Variants in LRFN4 observed in about 807,000 individuals in gnomAD.
LRFN4 encodes leucine rich repeat and fibronectin type III domain containing 4.
LRFN4 carries 10 observed loss-of-function variants against 29.0 expected under a neutral mutation model. The observed-to-expected ratio is 0.35, with a 90% CI of 0.21 to 0.59. The LOEUF (loss-of-function observed/expected upper bound fraction) is 0.59. Ranked by LOEUF, LRFN4 falls within the 20% of genes least tolerant of loss-of-function variation. The pLI is 0.82. For synonymous variants in LRFN4, 493 were observed against 437.0 expected (o/e 1.13, Z -1.60); for missense variants, 850 against 907.9 (o/e 0.94, Z 0.82).
Position 66,860,062 on chromosome 11 carries a change from G to A in LRFN4, c.1775G>A (p.Gly592Glu). Reference protein sequence around the residue: ...RSCSLDLGDAGCYGYARRLGG... With the variant: ...RSCSLDLGDAECYGYARRLGG... ...TGCTCTCTGGACCTGGGAGATGCCG[G>A]GTGCTACGGTTATGCCAGGCGCCTG... is the stretch of plus-strand genomic sequence containing the variant. Residue 592 changes from glycine (G) to glutamate (E), a missense_variant, in exon 2 of 2, where the codon GGG becomes GAG. Physicochemically the swap from Gly to Glu is moderately conservative, Grantham distance 98. This residue lies in a region of LRFN4 where 744 missense variants were observed against 753.8 expected (regional missense o/e 0.99). Coordinates refer to ENST00000309602, the MANE Select transcript of LRFN4 (RefSeq NM_024036.5). 1 of 1,565,952 alleles carries A rather than the reference G, an allele frequency of 6.4e-7. No homozygotes were observed.
Position 66,858,826 on chromosome 11 carries a change from C to T in LRFN4, c.1082C>T (p.Thr361Ile). Reference sequence around the variant, plus strand: ...GCCACCAACCCTGCTGGTGAGGCCACAGCCCGAGTAGAACTGCGGGTGCTG... The same window carrying T: ...GCCACCAACCCTGCTGGTGAGGCCATAGCCCGAGTAGAACTGCGGGTGCTG... ...CIATNPAGEATARVELRVLAL... is the reference protein window; with the variant it reads ...CIATNPAGEAIARVELRVLAL... Residue 361 changes from threonine (T) to isoleucine (I), a missense_variant, in exon 1 of 2, where the codon ACA becomes ATA. By Grantham distance (89) the Thr-to-Ile change is moderately conservative (BLOSUM62 -1). Around this residue, in one of 2 missense-constraint regions of LRFN4, gnomAD observed 744 missense variants for 753.8 expected, o/e 0.99. Transcript: ENST00000309602. The surrounding 1 kb of genome is among the most constrained non-coding windows in gnomAD (Gnocchi z 5.9). 6.4e-7 allele frequency: 1 copy of T among 1,550,818 alleles called. No individual in the cohort carries two copies.
In LRFN4 at chr11:66,858,904, C is replaced by A; in HGVS notation, c.1160C>A (p.Ser387Ter). 6.4e-7 allele frequency: 1 copy of A among 1,562,482 alleles called. No homozygotes were observed. Among genetic ancestry groups the A allele is most frequent in the Non-Finnish European group, 8.7e-7 (1 of 1,152,934 alleles). The change falls in exon 1 of 2, where the codon TCG (serine) becomes TAG (stop). Residue 387 changes from serine to a stop codon, truncating the protein, a stop_gained. Transcript: ENST00000309602. LOFTEE classifies it high-confidence loss of function. This position sits in a 1 kb window ranked among gnomAD's most constrained non-coding sequence, Gnocchi z 5.9. ...SSAEGGRPGP[S>*]DIAASARTAA... ...GCCGAGGGGGGCCGCCCCGGGCCCTCGGACATCGCCGCCTCCGCTCGCACT... is the reference window on the plus strand; with the variant it reads ...GCCGAGGGGGGCCGCCCCGGGCCCTAGGACATCGCCGCCTCCGCTCGCACT...
Position 66,859,810 on chromosome 11 carries a change from C to G in LRFN4, c.1523C>G (p.Ala508Gly), listed in dbSNP as rs147064009. The G allele has an allele frequency of 6.3e-7, 1 of 1,585,714 alleles. No individual in the cohort carries two copies. Among genetic ancestry groups the G allele is most frequent in the African/African-American group, 1.3e-5 (1 of 74,474 alleles). The part of the protein sequence containing the change: ...STLPASPLCH[A>G]LQAHVLGGTL... ...CTGCCGGCCTCGCCCCTGTGCCACG[C>G]CCTGCAGGCCCACGTGCTGGGCGGG... Residue 508 changes from alanine (A) to glycine (G), a missense_variant, in exon 2 of 2, where the codon GCC (alanine) becomes GGC (glycine). By Grantham distance (60) the Ala-to-Gly change is moderately conservative. Transcript: ENST00000309602.
chr11:66,859,056 C>CAGT lies in LRFN4; in HGVS notation c.1314_1316dup (p.Gln438_Tyr439insTer). On this transcript the variant is annotated stop_gained and inframe_insertion, in exon 1 of 2. Coordinates refer to ENST00000309602, the MANE Select transcript of LRFN4 (RefSeq NM_024036.5). LOFTEE classifies it high-confidence loss of function. Reference sequence around the variant, plus strand: ...CGACCCAGTGTGGATGTTCCAAATCCAGTACAACAGCAGCGAAGATGAGAC... The same window carrying CAGT: ...CGACCCAGTGTGGATGTTCCAAATCCAGTAGTACAACAGCAGCGAAGATGAGAC... 6.7e-7 allele frequency: 1 copy of CAGT among 1,500,074 alleles called. No homozygotes were observed. The highest frequency in any genetic ancestry group is 1.4e-5 in the African/African-American group (1 of 70,804). 92.9% of individuals were successfully genotyped at this position (1,500,074 alleles called of 1,614,324 possible).
rs1469520433 is a variant in LRFN4, at chr11:66,858,676, C to T, written c.932C>T (p.Thr311Ile). The T allele has an allele frequency of 2.8e-5, 43 of 1,546,178 alleles. No homozygotes were observed. The highest frequency in any genetic ancestry group is 3.7e-5 in the Non-Finnish European group (42 of 1,144,400). Residue 311 changes from threonine (T) to isoleucine (I), a missense_variant, in exon 1 of 2, where the codon ACC (threonine) becomes ATC (isoleucine). This residue lies in a region of LRFN4 where 744 missense variants were observed against 753.8 expected (regional missense o/e 0.99). Coordinates refer to ENST00000309602, the MANE Select transcript of LRFN4 (RefSeq NM_024036.5). This position sits in a 1 kb window ranked among gnomAD's most constrained non-coding sequence, Gnocchi z 5.9. ...RCRALGDPAP[T>I]MHWVGPDDRL... ...CGGGCCCTGGGTGACCCCGCGCCTA[C>T]CATGCACTGGGTCGGTCCTGACGAC...
rs189468338 is a variant in LRFN4 at position 66,859,688 on chromosome 11, C to T, written c.1401C>T (p.Gly467=). Residue 467 remains glycine, a synonymous_variant, in exon 2 of 2, where the codon GGC becomes GGT. Coordinates refer to ENST00000309602, the MANE Select transcript of LRFN4 (RefSeq NM_024036.5). ...HHFLLKHLVP[G]ADYDLCLLAL... ...TCCTGCTGAAGCACCTCGTCCCCGG[C>T]GCTGACTATGACCTCTGCCTGCTGG... is the stretch of plus-strand genomic sequence containing the variant. 142 of 1,612,806 alleles carry T rather than the reference C, an allele frequency of 8.8e-5. No homozygotes were observed. The highest frequency in any genetic ancestry group is 9.7e-5 in the Non-Finnish European group (114 of 1,179,892).
rs374693774 is a variant in LRFN4 at position 66,858,920 on chromosome 11, C to A, written c.1176C>A (p.Ser392=). Residue 392 remains serine (S), a synonymous_variant, in exon 1 of 2, where the codon TCC becomes TCA. Transcript: ENST00000309602. The surrounding 1 kb of genome is among the most constrained non-coding windows in gnomAD (Gnocchi z 5.9). ...CCGGGCCCTCGGACATCGCCGCCTC[C>A]GCTCGCACTGCTGCCGAGGGTGAGG... ...GRPGPSDIAA[S]ARTAAEGEGT... 3 of 1,570,454 alleles carry A rather than the reference C, an allele frequency of 1.9e-6. No individual in the cohort carries two copies. The Admixed American group carries it at 5.4e-5, about 28-fold the overall frequency.
Position 66,859,656 on chromosome 11 carries a change from C to T in LRFN4, c.1369C>T (p.His457Tyr), listed in dbSNP as rs1227058898. 1.2e-6 allele frequency: 2 copies of T among 1,613,068 alleles called. No homozygotes were observed. The highest frequency in any genetic ancestry group is 1.7e-6 in the Non-Finnish European group (2 of 1,179,922). ...CTGCAGGATTGTCCCAGCCTCCAGC[C>T]ACCACTTCCTGCTGAAGCACCTCGT... ...LIYRIVPASS[H>Y]HFLLKHLVPG... Residue 457 changes from histidine to tyrosine, a missense_variant, in exon 2 of 2, where the codon CAC (histidine) becomes TAC (tyrosine). Around this residue, in one of 2 missense-constraint regions of LRFN4, gnomAD observed 744 missense variants for 753.8 expected, o/e 0.99. Transcript: ENST00000309602.
Position 66,858,107 on chromosome 11 carries a change from T to G in LRFN4, c.363T>G (p.Asn121Lys). ...LGTGSLRGPV[N>K]LQHLILSGNQ... Reference sequence around the variant, plus strand: ...CCGGGAGCCTCCGGGGCCCCGTCAATCTGCAGCACCTCATCCTCAGCGGCA... The same window carrying G: ...CCGGGAGCCTCCGGGGCCCCGTCAAGCTGCAGCACCTCATCCTCAGCGGCA... Residue 121 changes from asparagine to lysine, a missense_variant, in exon 1 of 2, where the codon AAT becomes AAG. By Grantham distance (94) the Asn-to-Lys change is moderately conservative. Transcript: ENST00000309602. The surrounding 1 kb of genome is among the most constrained non-coding windows in gnomAD (Gnocchi z 5.9). 1.4e-5 allele frequency: 23 copies of G among 1,609,928 alleles called. No homozygotes were observed. The highest frequency in any genetic ancestry group is 2.0e-5 in the Non-Finnish European group (23 of 1,178,390).
At chr11:66,859,524 A>G in intron 1 of LRFN4, 113 bp from the exon 2 acceptor site, 2 of 1,540,552 alleles carry the variant, frequency 1.3e-6, no homozygotes, top group South Asian at 2.5e-5. Flanking sequence ...TGAACCCAAG[A>G]GCCCGAGTGG....
In LRFN4 at chr11:66,857,509, C is replaced by G; in HGVS notation, c.-236C>G. On this transcript the variant is annotated 5_prime_UTR_variant, in exon 1 of 2. Transcript: ENST00000309602. The surrounding 1 kb of genome is among the most constrained non-coding windows in gnomAD (Gnocchi z 7.1). ...TCCTGCCTCATGCCTCACCTTGTCC[C>G]CAGCGCCTGGACTCCCCCTTAACTG... is the stretch of plus-strand genomic sequence containing the variant. The G allele has an allele frequency of 2.0e-6, 1 of 506,836 alleles. No individual in the cohort carries two copies. Among genetic ancestry groups the G allele is most frequent in the Non-Finnish European group, 3.5e-6 (1 of 288,436 alleles). The allele number at this position is 506,836 out of a possible 1,614,324, so 31.4% of individuals were successfully genotyped here.
rs756938721 is a variant in LRFN4, at chr11:66,857,809, T to C, written c.65T>C (p.Val22Ala). Residue 22 changes from valine to alanine, a missense_variant, in exon 1 of 2, where the codon GTC becomes GCC. Val to Ala is a moderately conservative substitution (Grantham distance 64). Transcript: ENST00000309602. This position sits in a 1 kb window ranked among gnomAD's most constrained non-coding sequence, Gnocchi z 7.1. ...GCGGCCGCCTGCCCGCTGCCCTGCGTCTGCCAGAACCTGTCCGAGTCGCTC... is the reference window on the plus strand; with the variant it reads ...GCGGCCGCCTGCCCGCTGCCCTGCGCCTGCCAGAACCTGTCCGAGTCGCTC... ...SGAAACPLPCVCQNLSESLST... is the reference protein window; with the variant it reads ...SGAAACPLPCACQNLSESLST... 4.4e-6 allele frequency: 7 copies of C among 1,601,396 alleles called. No individual in the cohort carries two copies. In the South Asian group the frequency reaches 7.7e-5, roughly 18 times the overall value.
At position 66,860,398 on chromosome 11, in the gene LRFN4, C is replaced by T. The variant is rs1397264509; in HGVS notation, c.*203C>T. ...GGCAGGCCCCTCCAACAGGTGCTCACAGCCACCGAGGCAGGGGCTGCAGCC... is the reference window on the plus strand; with the variant it reads ...GGCAGGCCCCTCCAACAGGTGCTCATAGCCACCGAGGCAGGGGCTGCAGCC... On this transcript the variant is annotated 3_prime_UTR_variant, in exon 2 of 2. Transcript: ENST00000309602. The T allele has an allele frequency of 1.3e-6, 1 of 766,482 alleles. No individual in the cohort carries two copies. Among genetic ancestry groups the T allele is most frequent in the Non-Finnish European group, 2.3e-6 (1 of 443,406 alleles). 47.5% of individuals were successfully genotyped at this position (766,482 alleles called of 1,614,324 possible).
chr11:66,859,236 C>T (rs1310885222), intron 1 of LRFN4, 143 bp downstream of exon 1: 17 of 1,185,704 alleles, frequency 1.4e-5, no homozygotes, highest in Non-Finnish European at 1.9e-5. Flanking sequence ...CTTGGAGGAG[C>T]AGTGGCCTGG....
rs745308844 is a variant in LRFN4 at position 66,857,710 on chromosome 11, C to A, written c.-35C>A. ...GGCACCTGCGCCAGCCCCACCTGTGCCTGGGCTGTGGCCCCTTCCTACAGG... is the reference window on the plus strand; with the variant it reads ...GGCACCTGCGCCAGCCCCACCTGTGACTGGGCTGTGGCCCCTTCCTACAGG... On this transcript the variant is annotated 5_prime_UTR_variant, in exon 1 of 2. Coordinates refer to ENST00000309602, the MANE Select transcript of LRFN4 (RefSeq NM_024036.5). This position sits in a 1 kb window ranked among gnomAD's most constrained non-coding sequence, Gnocchi z 7.1. 3.8e-6 allele frequency: 6 copies of A among 1,564,216 alleles called. No individual in the cohort carries two copies. Among genetic ancestry groups the A allele is most frequent in the Admixed American group, 1.7e-5 (1 of 58,006 alleles).
chr11:66,859,116 C>T (rs779040339), intron 1 of LRFN4, 23 bp downstream of exon 1: 112 of 1,478,444 alleles, frequency 7.6e-5, no homozygotes, highest in Non-Finnish European at 9.3e-5. Context: ...GCCCCACACC[C>T]GGCTGCACTC....
Position 66,858,311 on chromosome 11 carries a change from C to T in LRFN4, c.567C>T (p.Phe189=), listed in dbSNP as rs745619279. 14 of 1,609,546 alleles carry T rather than the reference C, an allele frequency of 8.7e-6. No individual in the cohort carries two copies. Among genetic ancestry groups the T allele is most frequent in the Middle Eastern group, 1.6e-4 (1 of 6,084 alleles). Residue 189 remains phenylalanine, a synonymous_variant, in exon 1 of 2, where the codon TTC becomes TTT. Transcript: ENST00000309602. The surrounding 1 kb of genome is among the most constrained non-coding windows in gnomAD (Gnocchi z 5.9). The stretch of plus-strand genomic sequence containing the variant: ...TTGACGCACTGCCCCCAGGCGCCTT[C>T]GCCCAGCTCGGTCAGCTCTCCCGCC... ...NLIDALPPGA[F]AQLGQLSRLD...
rs1018574768 is a variant in LRFN4 at position 66,858,780 on chromosome 11, G to A, written c.1036G>A (p.Ala346Thr). The A allele has an allele frequency of 8.4e-6, 13 of 1,550,146 alleles. No individual in the cohort carries two copies. The highest frequency in any genetic ancestry group is 1.4e-5 in the African/African-American group (1 of 73,266). ...GATTGGGGTGACCGGCGCTGGGGAC[G>A]CTGGGGGCTACACCTGCATCGCCAC... Reference protein sequence around the residue: ...LEIGVTGAGDAGGYTCIATNP... With the variant: ...LEIGVTGAGDTGGYTCIATNP... Residue 346 changes from alanine (A) to threonine (T), a missense_variant, in exon 1 of 2, where the codon GCT becomes ACT. This residue lies in a region of LRFN4 where 744 missense variants were observed against 753.8 expected (regional missense o/e 0.99). Transcript: ENST00000309602. The surrounding 1 kb of genome is among the most constrained non-coding windows in gnomAD (Gnocchi z 5.9).
chr11:66,859,344 G>A (rs952165904), intron 1 of LRFN4, among the ~76,000 whole-genome samples: 7 of 152,148 alleles, frequency 4.6e-5, no homozygotes, highest in Non-Finnish European at 7.4e-5. Flanking sequence ...AGGCCTCCCC[G>A]GCAGCAGGTG....
Sources: gnomAD v4.1 joint callset for allele counts (sites outside exome capture counted in the v4.1 genomes callset) on GRCh38, gnomAD v4.1.1 for gene constraint, gnomAD v4.1.1 regional missense constraint, Gnocchi (gnomAD v3.1) non-coding constraint, MANE v1.5 for transcripts, NCBI Gene and HGNC (gene_info 2026-07-23, HGNC 2026-07-21) for gene names.